The following PPAN variants were observed in gnomAD, a reference collection of about 807,000 sequenced individuals.
The protein encoded by PPAN is suppressor of SWI4 1 homolog.
A neutral mutation model predicts 48.5 loss-of-function variants in PPAN; 39 were observed. The ratio of observed to expected loss-of-function variants is 0.80; its 90% CI spans 0.62 to 1.05. PPAN has a LOEUF of 1.05. PPAN is among the 50% of genes least tolerant of loss of function. The pLI, the probability that PPAN is intolerant of heterozygous loss-of-function variation, is 0.00. For missense variants in PPAN, 736 were observed against 661.7 expected (o/e 1.11, Z -1.23); for synonymous variants, 315 against 268.6 (o/e 1.17, Z -1.69).
rs753267440 is a variant in PPAN at position 10,109,636 on chromosome 19, C to G, written c.519C>G (p.Asn173Lys). The stretch of plus-strand genomic sequence containing the variant: ...CTCTCTTCCTCCCCTTCCAGGTGAA[C>G]CTGAACACCATCAAGCGCTGCCTCC... ...LFPSINVHKVNLNTIKRCLLI... is the reference protein window; with the variant it reads ...LFPSINVHKVKLNTIKRCLLI... Residue 173 changes from asparagine (N) to lysine (K), a missense_variant, in exon 6 of 12, where the codon AAC becomes AAG. By Grantham distance (94) the Asn-to-Lys change is moderately conservative (BLOSUM62 0). Coordinates refer to ENST00000253107, the MANE Select transcript of PPAN (RefSeq NM_020230.7). 1.9e-6 allele frequency: 3 copies of G among 1,613,250 alleles called. No individual in the cohort carries two copies. The highest frequency in any genetic ancestry group is 4.5e-5 in the East Asian group (2 of 44,890).
rs2145210147 is a variant in PPAN at position 10,110,855 on chromosome 19, C to T, written c.1190C>T (p.Ala397Val). Residue 397 changes from alanine to valine, a missense_variant, in exon 11 of 12, where the codon GCG becomes GTG. Coordinates refer to ENST00000253107, the MANE Select transcript of PPAN (RefSeq NM_020230.7). The surrounding 1 kb of genome is among the most constrained non-coding windows in gnomAD (Gnocchi z 5.9). Reference sequence around the variant, plus strand: ...TATTTCTGCCAGGCGGTGGGCGAGGCGCCCAGTGAGGGTATGGAGTGGGGT... The same window carrying T: ...TATTTCTGCCAGGCGGTGGGCGAGGTGCCCAGTGAGGGTATGGAGTGGGGT... ...IEYFCQAVGE[A>V]PSEDLFPEAK... 1.9e-6 allele frequency: 3 copies of T among 1,613,710 alleles called. No individual in the cohort carries two copies. Among genetic ancestry groups the T allele is most frequent in the Admixed American group, 1.7e-5 (1 of 59,996 alleles).
At chr19:10,109,258 C>T (rs1007985639) in intron 5 of PPAN, among the ~76,000 whole-genome samples, 3 of 152,058 alleles carry the variant, frequency 2.0e-5, no homozygotes, top group African/African-American at 4.8e-5. Flanking sequence ...CGTGCCCGGC[C>T]TTCTTTACTT....
rs1309347666 is a variant in PPAN at position 10,110,160 on chromosome 19, GGC to G, written c.738_739del (p.Asp247ProfsTer112). 6.2e-7 allele frequency: 1 copy of G among 1,610,070 alleles called. No individual in the cohort carries two copies. The highest frequency in any genetic ancestry group is 1.7e-5 in the Admixed American group (1 of 59,988). ...GTCGGAGAGCGAGGCAGAGCCTGAC[GGC>G]GACCACAACATCACAGAGCTGCCTC... The part of the protein sequence containing the change: ...GLSESEAEPD[G>X]DHNITELPQA... On this transcript the variant is annotated frameshift_variant, in exon 8 of 12. Transcript: ENST00000253107. LOFTEE classifies it high-confidence loss of function. This position sits in a 1 kb window ranked among gnomAD's most constrained non-coding sequence, Gnocchi z 5.9.
At chr19:10,108,641 A>G (rs987101465) in intron 5 of PPAN, among the ~76,000 whole-genome samples, 2 of 151,658 alleles carry the variant, frequency 1.3e-5, no homozygotes, top group Non-Finnish European at 1.5e-5. Flanking sequence ...AGTACCAGCT[A>G]CTGGGGAGGC....
rs374260733 is a variant in PPAN, at chr19:10,110,888, A to G, written c.1201+22A>G. On this transcript the variant is annotated intron_variant, in intron 11 of 11. Coordinates refer to ENST00000253107, the MANE Select transcript of PPAN (RefSeq NM_020230.7). The surrounding 1 kb of genome is among the most constrained non-coding windows in gnomAD (Gnocchi z 5.9). ...GAGGGTATGGAGTGGGGTCTGCAGC[A>G]GGGCACCCAGAGCCTGTCCTTGTCT... 54 of 1,613,222 alleles carry G rather than the reference A, an allele frequency of 3.3e-5. No homozygotes were observed. The highest frequency in any genetic ancestry group is 2.8e-4 in the African/African-American group (21 of 74,856).
In PPAN at chr19:10,110,455, G is replaced by A. The variant is rs755879756; in HGVS notation, c.902-30G>A. 3.1e-6 allele frequency: 5 copies of A among 1,612,476 alleles called. No homozygotes were observed. The East Asian group carries it at 1.1e-4, about 36-fold the overall frequency. On this transcript the variant is annotated intron_variant, in intron 9 of 11. Transcript: ENST00000253107. The surrounding 1 kb of genome is among the most constrained non-coding windows in gnomAD (Gnocchi z 5.9). ...GGTCATGGGTGTGGAGCTGCACCCGGATCTTGGTGACCCGCGTCTCTTGGC... is the reference window on the plus strand; with the variant it reads ...GGTCATGGGTGTGGAGCTGCACCCGAATCTTGGTGACCCGCGTCTCTTGGC...
At chr19:10,107,733 G>A in intron 3 of PPAN, 71 bp from the exon 4 acceptor site, 1 of 1,611,624 alleles carries the variant, frequency 6.2e-7, no homozygotes, top group Non-Finnish European at 8.5e-7. Flanking sequence ...AGAAGAGATG[G>A]GGCAAAGGTG....
chr19:10,109,490 C>T (rs1365577623), intron 5 of PPAN, 141 bp from the exon 6 acceptor site: 1 of 1,049,472 alleles, frequency 9.5e-7, no homozygotes, highest in Non-Finnish European at 1.4e-6. Flanking sequence ...TCTGGAGTAG[C>T]TAAAACTGCA....
intron 5 of PPAN, among the ~76,000 whole-genome samples, chr19:10,108,545 T>G (rs1346631649): frequency 6.6e-6 from 1 of 151,994 alleles, no homozygotes; most frequent in African/African-American, 2.4e-5. Flanking sequence ...AGCCAAGACT[T>G]TGAGATCAGC....
chr19:10,109,892 C>G, intron 6 of PPAN, 21 bp from the exon 7 acceptor site: 1 of 1,612,588 alleles, frequency 6.2e-7, no homozygotes, highest in Non-Finnish European at 8.5e-7. Context: ...ACCCCCTTGC[C>G]GTCCACTCAT....
At chr19:10,106,911 G>A (rs1487941374) in intron 2 of PPAN, 24 of 692,926 alleles carry the variant, frequency 3.5e-5, no homozygotes, top group Admixed American at 1.1e-4. Flanking sequence ...CTGGAGCCGG[G>A]CGTGGTGGCT....
At position 10,111,202 on chromosome 19, in the gene PPAN, C is replaced by T. The variant is rs1450728289; in HGVS notation, c.*37C>T. On this transcript the variant is annotated 3_prime_UTR_variant, in exon 12 of 12. Transcript: ENST00000253107. ...ACCGGAGCAGCGGCTGGATTGAACG[C>T]CCCAGATTGGGGCCCGAGATGTGGC... 4.0e-6 allele frequency: 6 copies of T among 1,502,752 alleles called. No individual in the cohort carries two copies. The highest frequency in any genetic ancestry group is 5.3e-6 in the Non-Finnish European group (6 of 1,128,808). The allele number at this position is 1,502,752 out of a possible 1,614,324, so 93.1% of individuals were successfully genotyped here. A position where few individuals can be genotyped will look rare whatever the true frequency, so the allele number is the denominator to read the frequency against.
Position 10,111,243 on chromosome 19 carries a change from A to G in PPAN, c.*78A>G. On this transcript the variant is annotated 3_prime_UTR_variant, in exon 12 of 12. Coordinates refer to ENST00000253107, the MANE Select transcript of PPAN (RefSeq NM_020230.7). ...GAGATGTGGCCCTCGGTTTCCTTTC[A>G]TAAAGGAGTTGTGTCCCCAGCCCTT... is the stretch of plus-strand genomic sequence containing the variant. 1 of 1,398,924 alleles carries G rather than the reference A, an allele frequency of 7.1e-7. No individual in the cohort carries two copies. The highest frequency in any genetic ancestry group is 2.5e-5 in the East Asian group (1 of 40,022). 86.7% of individuals were successfully genotyped at this position (1,398,924 alleles called of 1,614,324 possible).
chr19:10,108,458 G>A (rs2088919535), intron 5 of PPAN, among the ~76,000 whole-genome samples: 1 of 152,118 alleles, frequency 6.6e-6, no homozygotes, highest in South Asian at 2.1e-4. Context: ...TTTACAGAGG[G>A]AAGCTGCGGG....
chr19:10,111,473 C>T lies in PPAN; in HGVS notation c.*308C>T. 1 of 621,122 alleles carries T rather than the reference C, an allele frequency of 1.6e-6. No individual in the cohort carries two copies. The highest frequency in any genetic ancestry group is 2.8e-6 in the Non-Finnish European group (1 of 354,778). The allele number at this position is 621,122 out of a possible 1,614,324, so 38.5% of individuals were successfully genotyped here. A position where few individuals can be genotyped will look rare whatever the true frequency, so the allele number is the denominator to read the frequency against. ...GGTGGCAGCAGCAGCCATGAGTGGC[C>T]CCTCCCCCCAGTCCCACCAAAGAGC... On this transcript the variant is annotated 3_prime_UTR_variant, in exon 12 of 12. Coordinates refer to ENST00000253107, the MANE Select transcript of PPAN (RefSeq NM_020230.7).
rs1180873354 is a variant in PPAN at position 10,106,792 on chromosome 19, C to A, written c.189+121C>A. 5 of 1,390,104 alleles carry A rather than the reference C, an allele frequency of 3.6e-6. No individual in the cohort carries two copies. In the African/African-American group the frequency reaches 4.4e-5, roughly 12 times the overall value. 86.1% of individuals were successfully genotyped at this position (1,390,104 alleles called of 1,614,324 possible). On this transcript the variant is annotated intron_variant, in intron 2 of 11. Transcript: ENST00000253107. ...AGTCTCCCCAGCTGGAAAAAAAGAC[C>A]CTCATGGGGAGCATCATTTCTGCCT... is the stretch of plus-strand genomic sequence containing the variant.
Position 10,106,568 on chromosome 19 carries a change from CGCACTCGTTCGTGTTCACGCGAGGCT to C in PPAN, c.91_116del (p.Ser31GlyfsTer27). On this transcript the variant is annotated frameshift_variant, in exon 2 of 12. Transcript: ENST00000253107. LOFTEE classifies it high-confidence loss of function. ...AACCTCGAGGCCTATGCCGCGAACC[CGCACTCGTTCGTGTTCACGCGAGGCT>C]GCACGGGTCGCAACATCCGGCAGCT... 2 of 1,552,882 alleles carry C rather than the reference CGCACTCGTTCGTGTTCACGCGAGGCT, an allele frequency of 1.3e-6. No individual in the cohort carries two copies. The highest frequency in any genetic ancestry group is 1.7e-6 in the Non-Finnish European group (2 of 1,148,770).
chr19:10,111,849 C>G lies in PPAN; in HGVS notation c.*684C>G. 4.6e-6 allele frequency: 6 copies of G among 1,303,524 alleles called. No individual in the cohort carries two copies. The highest frequency in any genetic ancestry group is 6.5e-6 in the Non-Finnish European group (6 of 921,360). The allele number at this position is 1,303,524 out of a possible 1,614,324, so 80.7% of individuals were successfully genotyped here. On this transcript the variant is annotated 3_prime_UTR_variant, in exon 12 of 12. Coordinates refer to ENST00000253107, the MANE Select transcript of PPAN (RefSeq NM_020230.7). ...GTCTGGGGCTGGGCACGGTGGCTCACGCCTGTAATCCCAGCACTTTGGGAG... is the reference window on the plus strand; with the variant it reads ...GTCTGGGGCTGGGCACGGTGGCTCAGGCCTGTAATCCCAGCACTTTGGGAG...
rs748218064 is a variant in PPAN at position 10,109,961 on chromosome 19, G to C, written c.639G>C (p.Leu213=). The C allele has an allele frequency of 1.2e-6, 2 of 1,614,092 alleles. No individual in the cohort carries two copies. Among genetic ancestry groups the C allele is most frequent in the Non-Finnish European group, 1.7e-6 (2 of 1,179,968 alleles). ...PVGASRGMKK[L]LQEKFPNMSR... is the part of the protein sequence containing the mutation. ...GCGCGAGTCGCGGGATGAAGAAGCT[G>C]CTCCAGGAGAAGTTCCCCAACATGA... The change falls in exon 7 of 12, where the codon CTG becomes CTC. Residue 213 remains leucine (L), a synonymous_variant. Transcript: ENST00000253107.
Sources: gnomAD v4.1 joint callset for allele counts (sites outside exome capture counted in the v4.1 genomes callset) on GRCh38, gnomAD v4.1.1 for gene constraint, Gnocchi (gnomAD v3.1) non-coding constraint, MANE v1.5 for transcripts, NCBI Gene and HGNC (gene_info 2026-07-23, HGNC 2026-07-21) for gene names.